Variants in UBE2C observed in about 807,000 individuals in gnomAD.
UBE2C encodes ubiquitin-conjugating enzyme E2 C.
In UBE2C, 16 loss-of-function variants were observed where a neutral mutation model predicts 23.5. The observed-to-expected ratio is 0.68, with a 90% CI of 0.46 to 1.03. The LOEUF is 1.03. Ranked by LOEUF, UBE2C falls within the 50% of genes least tolerant of loss-of-function variation. The pLI is 0.00. For missense variants in UBE2C, 192 were observed against 227.6 expected (o/e 0.84, Z 1.01); for synonymous variants, 76 against 91.6 (o/e 0.83, Z 0.97).
intron 3 of UBE2C, among the ~76,000 whole-genome samples, chr20:45,815,127 A>G (rs910396): frequency 0.65 from 98,981 of 151,694 alleles, 32,867 homozygotes; most frequent in Admixed American, 0.73. Flanking sequence ...GTGAGCCACC[A>G]CGCCCGGCCA....
At chr20:45,813,978 G>C (rs1467324638) in intron 2 of UBE2C, among the ~76,000 whole-genome samples, 1 of 151,784 alleles carries the variant, frequency 6.6e-6, no homozygotes, top group Non-Finnish European at 1.5e-5. Flanking sequence ...GGTGGTGCAT[G>C]CCTGTAATTT....
intron 3 of UBE2C, among the ~76,000 whole-genome samples, chr20:45,814,865 T>C (rs1220036309): frequency 6.7e-6 from 1 of 149,396 alleles, no homozygotes; most frequent in African/African-American, 2.5e-5. Context: ...GGAGTCTCGC[T>C]CTGTCGCCCA....
chr20:45,814,511 G>T (rs1982299626), intron 3 of UBE2C, 41 bp downstream of exon 3: 2 of 1,544,012 alleles, frequency 1.3e-6, no homozygotes, highest in Admixed American at 1.7e-5. Flanking sequence ...TCTGGGGAAA[G>T]GTGGGAAGTG....
intron 2 of UBE2C, among the ~76,000 whole-genome samples, chr20:45,814,146 C>CTCTCTCTA (rs1158772080): frequency 0.016 from 2,154 of 133,844 alleles, 57 homozygotes; most frequent in African/African-American, 0.051. Context: ...CTCTCTCTCT[C>CTCTCTCTA]TATATATATA....
intron 3 of UBE2C, 100 bp downstream of exon 3, chr20:45,814,570 C>G (rs1027847011): frequency 1.2e-6 from 1 of 827,776 alleles, no homozygotes; most frequent in Non-Finnish European, 1.9e-6. Context: ...GCAAGACACT[C>G]CTCCTGTGAC....
At chr20:45,815,991 G>C (rs1982513553) in intron 5 of UBE2C, 78 bp downstream of exon 5, 1 of 1,536,746 alleles carries the variant, frequency 6.5e-7, no homozygotes, top group East Asian at 2.3e-5. Context: ...GGAGCCCAGT[G>C]ACTTGGGACC....
intron 1 of UBE2C, 86 bp from the exon 2 acceptor site, chr20:45,813,351 C>G: frequency 1.2e-6 from 2 of 1,611,752 alleles, no homozygotes; most frequent in Admixed American, 1.7e-5. Context: ...TGACGGCTCC[C>G]CCTGAGATTC....
At chr20:45,812,929 AGGAGCTCG>A in intron 1 of UBE2C, 133 bp downstream of exon 1, 1 of 1,433,134 alleles carries the variant, frequency 7.0e-7, no homozygotes, top group East Asian at 2.5e-5. Context: ...AGAACACACC[AGGAGCTCG>A]GGGCCTGGCA....
chr20:45,814,587 C>A, intron 3 of UBE2C, 117 bp downstream of exon 3: 1 of 733,264 alleles, frequency 1.4e-6, no homozygotes. Context: ...TGACTGTTTA[C>A]ATTCTCTGAG....
chr20:45,813,526 C>A, intron 2 of UBE2C, 62 bp downstream of exon 2: 1 of 1,611,766 alleles, frequency 6.2e-7, no homozygotes, highest in Non-Finnish European at 8.5e-7. Context: ...CTCCTTTTTT[C>A]CGTCAGCTTT....
At chr20:45,813,367 G>A (rs1982112499) in intron 1 of UBE2C, 70 bp from the exon 2 acceptor site, 1 of 1,613,232 alleles carries the variant, frequency 6.2e-7, no homozygotes, top group Non-Finnish European at 8.5e-7. Context: ...GATTCAGGTG[G>A]GAGAAGATGC....
intron 5 of UBE2C, 52 bp from the exon 6 acceptor site, chr20:45,816,657 A>G: frequency 6.5e-7 from 1 of 1,537,308 alleles, no homozygotes; most frequent in Non-Finnish European, 8.9e-7. Flanking sequence ...AATAGTAAAG[A>G]TTAACTCATC....
At position 45,816,795 on chromosome 20, in the gene UBE2C, C is replaced by A. The variant is rs115972142; in HGVS notation, c.*28C>A. Reference sequence around the variant, plus strand: ...CAGGCTGCCCAGCCTGTCCTTGTGTCGTCTTTTTAATTTTTCCTTAGATGG... The same window carrying A: ...CAGGCTGCCCAGCCTGTCCTTGTGTAGTCTTTTTAATTTTTCCTTAGATGG... On this transcript the variant is annotated 3_prime_UTR_variant, in exon 6 of 6. Transcript: ENST00000356455. The A allele has an allele frequency of 6.2e-7, 1 of 1,600,600 alleles. No homozygotes were observed. Among genetic ancestry groups the A allele is most frequent in the South Asian group, 1.1e-5 (1 of 89,162 alleles).
Position 45,815,603 on chromosome 20 carries a change from G to C in UBE2C, c.279G>C (p.Ala93=). The part of the protein sequence containing the change: ...LEFPSGYPYN[A]PTVKFLTPCY... ...TCCCCAGTGGCTACCCTTACAATGCGCCCACAGTGAAGTTCCTCACGCCCT... is the reference window on the plus strand; with the variant it reads ...TCCCCAGTGGCTACCCTTACAATGCCCCCACAGTGAAGTTCCTCACGCCCT... The change falls in exon 4 of 6, where the codon GCG becomes GCC. Residue 93 remains alanine (A), a synonymous_variant. Coordinates refer to ENST00000356455, the MANE Select transcript of UBE2C (RefSeq NM_007019.4). 6.2e-7 allele frequency: 1 copy of C among 1,613,992 alleles called. No homozygotes were observed. Among genetic ancestry groups the C allele is most frequent in the South Asian group, 1.1e-5 (1 of 91,066 alleles).
rs185559566 is a variant in UBE2C at position 45,814,336 on chromosome 20, A to G, written c.130-48A>G. The G allele has an allele frequency of 2.6e-5, 38 of 1,456,112 alleles. No homozygotes were observed. The East Asian group carries it at 9.0e-4, about 35-fold the overall frequency. 90.2% of individuals were successfully genotyped at this position (1,456,112 alleles called of 1,614,324 possible). A position where few individuals can be genotyped will look rare whatever the true frequency, so the allele number is the denominator to read the frequency against. ...GAAAGCTCACCCACTGACCTTTGCT[A>G]TGCCCAAAAGTGTACTCCACATTCC... On this transcript the variant is annotated intron_variant, in intron 2 of 5. Coordinates refer to ENST00000356455, the MANE Select transcript of UBE2C (RefSeq NM_007019.4).
At chr20:45,814,836 T>TTTTC (rs1005054989) in intron 3 of UBE2C, among the ~76,000 whole-genome samples, 2 of 150,700 alleles carry the variant, frequency 1.3e-5, no homozygotes, top group African/African-American at 4.9e-5. Flanking sequence ...TAATATTCTT[T>TTTTC]TTTTTTTTTT....
chr20:45,814,527 C>T (rs1982301149), intron 3 of UBE2C, 57 bp downstream of exon 3: 2 of 1,401,970 alleles, frequency 1.4e-6, no homozygotes, highest in Non-Finnish European at 2.0e-6. Flanking sequence ...AAGTGAGATC[C>T]AAGTGCGAGC....
At chr20:45,816,121 T>C (rs382494) in intron 5 of UBE2C, among the ~76,000 whole-genome samples, 1,893 of 152,316 alleles carry the variant, frequency 0.012, 46 homozygotes, top group African/African-American at 0.043. Flanking sequence ...TGGCGATAAA[T>C]AATTTTGGGA....
rs1982615044 is a variant in UBE2C at position 45,816,834 on chromosome 20, T to A, written c.*67T>A. 1 of 1,431,736 alleles carries A rather than the reference T, an allele frequency of 7.0e-7. No homozygotes were observed. 88.7% of individuals were successfully genotyped at this position (1,431,736 alleles called of 1,614,324 possible). A position where few individuals can be genotyped will look rare whatever the true frequency, so the allele number is the denominator to read the frequency against. ...TTCCTTAGATGGTCTGTCCTTTTTG[T>A]GATTTCTGTATAGGACTCTTTATCT... On this transcript the variant is annotated 3_prime_UTR_variant, in exon 6 of 6. Transcript: ENST00000356455.
Sources: allele counts gnomAD v4.1 joint callset (sites outside exome capture counted in the v4.1 genomes callset), GRCh38; gene constraint gnomAD v4.1.1; transcripts MANE v1.5; gene names NCBI Gene and HGNC (gene_info 2026-07-23, HGNC 2026-07-21).